The following GLRA3 variants were observed in gnomAD, a reference collection of about 807,000 sequenced individuals.
The protein encoded by GLRA3 is glycine receptor subunit alpha-3.
A neutral mutation model predicts 60.4 loss-of-function variants in GLRA3; 44 were observed. That is an observed-to-expected ratio of 0.73 (90% confidence interval 0.57 to 0.94). GLRA3 has a LOEUF of 0.94. Among genes scored for constraint, GLRA3 ranks in the 40% least tolerant of loss-of-function variants. GLRA3 has a pLI of 0.00. For synonymous variants in GLRA3, 223 were observed against 192.9 expected, an observed-to-expected ratio of 1.16 and a Z score of -1.29; for missense variants, 508 against 564.6, an observed-to-expected ratio of 0.90 and a Z score of 1.02.
chr4:174,769,957 G>A (rs1390617658), intron 2 of GLRA3, among the ~76,000 whole-genome samples: 3 of 152,030 alleles, frequency 2.0e-5, no homozygotes, highest in Non-Finnish European at 4.4e-5. Flanking sequence ...CCATTTTGTA[G>A]ATGACCTGTT....
chr4:174,701,494 G>A (rs951643730), intron 5 of GLRA3, among the ~76,000 whole-genome samples: 1 of 152,106 alleles, frequency 6.6e-6, no homozygotes, highest in Non-Finnish European at 1.5e-5. Flanking sequence ...TCCATTCTGT[G>A]GCCCCTAGAT....
intron 1 of GLRA3, among the ~76,000 whole-genome samples, chr4:174,821,625 CA>C (rs1442855152): frequency 1.3e-5 from 2 of 151,700 alleles, no homozygotes; most frequent in Non-Finnish European, 2.9e-5. Flanking sequence ...AAGTCAGTTA[CA>C]AAAAATGTCT....
At chr4:174,663,071 T>G (rs546000348) in intron 7 of GLRA3, among the ~76,000 whole-genome samples, 1 of 152,280 alleles carries the variant, frequency 6.6e-6, no homozygotes, top group African/African-American at 2.4e-5. Context: ...ATTGGGTTGA[T>G]TTTCTTTTTG....
chr4:174,801,931 A>G (rs1410611007), intron 1 of GLRA3, among the ~76,000 whole-genome samples: 2 of 152,078 alleles, frequency 1.3e-5, no homozygotes, highest in African/African-American at 4.8e-5. Context: ...TGTAGGGTCT[A>G]CTATTTAAGC....
chr4:174,828,784 A>T lies in GLRA3; in HGVS notation c.28T>A (p.Leu10Ile), dbSNP rs775148810. The change falls in exon 1 of 10, where the codon TTA becomes ATA. Residue 10 changes from leucine to isoleucine, a missense_variant. Physicochemically the swap from Leu to Ile is conservative, Grantham distance 5. Transcript: ENST00000274093. MAHVRHFRT[L>I]VSGFYFWEAA... The stretch of plus-strand genomic sequence containing the variant: ...TCCCAGAAGTAAAATCCCGAAACTA[A>T]TGTCCGAAAGTGTCTCACGTGGGCC... 6.2e-7 allele frequency: 1 copy of T among 1,612,058 alleles called. No individual in the cohort carries two copies. Among genetic ancestry groups the T allele is most frequent in the East Asian group, 2.2e-5 (1 of 44,870 alleles).
intron 7 of GLRA3, among the ~76,000 whole-genome samples, chr4:174,669,436 G>A (rs763321006): frequency 2.6e-4 from 40 of 151,956 alleles, no homozygotes; most frequent in African/African-American, 3.1e-4. Flanking sequence ...TGTGAGTTTC[G>A]ACATTCTGAC....
intron 7 of GLRA3, among the ~76,000 whole-genome samples, chr4:174,670,726 T>C (rs989523691): frequency 1.3e-5 from 2 of 152,148 alleles, no homozygotes; most frequent in African/African-American, 4.8e-5. Context: ...ATTTTTCAGC[T>C]TGATGGAATC....
chr4:174,643,833 T>C lies in GLRA3; in HGVS notation c.1348A>G (p.Ile450Val), dbSNP rs1732703249. 1 of 1,613,738 alleles carries C rather than the reference T, an allele frequency of 6.2e-7. No individual in the cohort carries two copies. The highest frequency in any genetic ancestry group is 8.5e-7 in the Non-Finnish European group (1 of 1,179,664). ...FLIFNIFYWV[I>V]YKILRHEDIH... is the part of the protein sequence containing the mutation. Reference sequence around the variant, plus strand: ...TCCTCATGCCTAAGAATTTTATAGATAACCCAGTAGAAAATATTAAAAATC... The same window carrying C: ...TCCTCATGCCTAAGAATTTTATAGACAACCCAGTAGAAAATATTAAAAATC... The change falls in exon 10 of 10, where the codon ATC becomes GTC. Residue 450 changes from isoleucine (I) to valine (V), a missense_variant. By Grantham distance (29) the Ile-to-Val change is conservative. This residue lies in a region of GLRA3 where 176 missense variants were observed against 197.9 expected (regional missense o/e 0.89). Coordinates refer to ENST00000274093, the MANE Select transcript of GLRA3 (RefSeq NM_006529.4).
intron 2 of GLRA3, among the ~76,000 whole-genome samples, chr4:174,770,871 C>T (rs1188845081): frequency 3.3e-5 from 5 of 151,716 alleles, no homozygotes; most frequent in African/African-American, 1.2e-4. Context: ...AACAAAATTC[C>T]ATATATACAC....
chr4:174,673,467 A>G (rs1733986140), intron 7 of GLRA3, among the ~76,000 whole-genome samples: 1 of 152,120 alleles, frequency 6.6e-6, no homozygotes, highest in Non-Finnish European at 1.5e-5. Context: ...AAGATTACAG[A>G]ATGCTGAGAT....
chr4:174,728,090 T>C (rs986965053), intron 4 of GLRA3, among the ~76,000 whole-genome samples: 1 of 152,204 alleles, frequency 6.6e-6, no homozygotes, highest in African/African-American at 2.4e-5. Context: ...ATGTAGAATG[T>C]ATCTCAGATG....
At chr4:174,680,620 A>G (rs1456516999) in intron 6 of GLRA3, among the ~76,000 whole-genome samples, 1 of 152,144 alleles carries the variant, frequency 6.6e-6, no homozygotes, top group Non-Finnish European at 1.5e-5. Flanking sequence ...ATAAGCAAGC[A>G]AGTCATTGTG....
At chr4:174,804,422 A>T (rs1739949832) in intron 1 of GLRA3, among the ~76,000 whole-genome samples, 1 of 152,154 alleles carries the variant, frequency 6.6e-6, no homozygotes, top group Non-Finnish European at 1.5e-5. Context: ...CCCCATTAAG[A>T]GACAATTCTA....
intron 1 of GLRA3, among the ~76,000 whole-genome samples, chr4:174,808,814 C>T (rs939140264): frequency 2.0e-5 from 3 of 151,860 alleles, no homozygotes; most frequent in African/African-American, 7.3e-5. Flanking sequence ...AAAATTTAAA[C>T]CTAGACAAAA....
At chr4:174,793,203 A>T (rs1739426105) in intron 1 of GLRA3, among the ~76,000 whole-genome samples, 1 of 151,702 alleles carries the variant, frequency 6.6e-6, no homozygotes, top group Admixed American at 6.6e-5. Context: ...TGCTGATGTC[A>T]CTCTCTAATA....
intron 7 of GLRA3, among the ~76,000 whole-genome samples, chr4:174,665,636 T>G (rs1367989358): frequency 6.6e-6 from 1 of 152,178 alleles, no homozygotes; most frequent in Non-Finnish European, 1.5e-5. Context: ...TATGTATTGA[T>G]AGCAAATACC....
intron 7 of GLRA3, among the ~76,000 whole-genome samples, chr4:174,676,261 T>A (rs1734112372): frequency 6.6e-6 from 1 of 152,102 alleles, no homozygotes; most frequent in East Asian, 1.9e-4. Context: ...ATGAAAATCG[T>A]GGAATTAGAT....
intron 2 of GLRA3, among the ~76,000 whole-genome samples, chr4:174,778,618 C>A (rs974140901): frequency 1.3e-5 from 2 of 152,192 alleles, no homozygotes; most frequent in African/African-American, 4.8e-5. Flanking sequence ...AGTGGGTGCA[C>A]GCACCGTGCG....
At chr4:174,824,801 T>C (rs1740896431) in intron 1 of GLRA3, among the ~76,000 whole-genome samples, 1 of 152,200 alleles carries the variant, frequency 6.6e-6, no homozygotes. Flanking sequence ...TTTTTTCTTT[T>C]GATGTTTGAC....
Sources: gnomAD v4.1 joint callset for allele counts (sites outside exome capture counted in the v4.1 genomes callset) on GRCh38, gnomAD v4.1.1 for gene constraint, gnomAD v4.1.1 regional missense constraint, MANE v1.5 for transcripts, NCBI Gene and HGNC (gene_info 2026-07-23, HGNC 2026-07-21) for gene names.